The following DNER variants were observed in gnomAD, a reference collection of about 807,000 sequenced individuals.
The protein encoded by DNER is delta/notch like EGF repeat containing.
In DNER, 33 loss-of-function variants were observed where a neutral mutation model predicts 78.2. The observed-to-expected ratio is 0.42, with a 90% CI of 0.32 to 0.56. The LOEUF is 0.56. Ranked by LOEUF, DNER falls within the 20% of genes least tolerant of loss-of-function variation. The pLI is 0.11. For synonymous variants in DNER, 417 were observed against 384.8 expected, an observed-to-expected ratio of 1.08 and a Z score of -0.98; for missense variants, 918 against 975.3, an observed-to-expected ratio of 0.94 and a Z score of 0.78.
chr2:229,667,956 G>A (rs573296958), intron 1 of DNER, among the ~76,000 whole-genome samples: 11 of 152,262 alleles, frequency 7.2e-5, no homozygotes, highest in African/African-American at 1.7e-4. Context: ...TGGAGATTTC[G>A]GGGCAGTGAC....
intron 11 of DNER, among the ~76,000 whole-genome samples, chr2:229,376,252 G>A (rs1340814724): frequency 1.3e-5 from 2 of 152,050 alleles, no homozygotes; most frequent in African/African-American, 4.8e-5. Context: ...AAGTCATGAG[G>A]GCTCTGCCTT....
chr2:229,483,975 T>G (rs1695219443), intron 6 of DNER, among the ~76,000 whole-genome samples: 2 of 152,220 alleles, frequency 1.3e-5, no homozygotes, highest in African/African-American at 4.8e-5. Flanking sequence ...TGTATACTTC[T>G]CATTACCTAC....
chr2:229,636,476 G>C (rs1347009784), intron 1 of DNER, among the ~76,000 whole-genome samples: 1 of 152,224 alleles, frequency 6.6e-6, no homozygotes, highest in Non-Finnish European at 1.5e-5. Flanking sequence ...GAGTGCATGA[G>C]AGAGTCCCAA....
chr2:229,496,898 G>T (rs1362455270), intron 6 of DNER, among the ~76,000 whole-genome samples: 1 of 152,094 alleles, frequency 6.6e-6, no homozygotes. Flanking sequence ...AGACTATACA[G>T]ACAGAAAATC....
At chr2:229,656,713 T>C (rs1158415226) in intron 1 of DNER, among the ~76,000 whole-genome samples, 1 of 152,222 alleles carries the variant, frequency 6.6e-6, no homozygotes, top group Admixed American at 6.5e-5. Flanking sequence ...CACTTACTCA[T>C]TCATTCTCAC....
At chr2:229,615,576 G>A (rs922257585) in intron 1 of DNER, among the ~76,000 whole-genome samples, 2 of 152,124 alleles carry the variant, frequency 1.3e-5, no homozygotes, top group Admixed American at 6.5e-5. Context: ...GCCGGAAGTG[G>A]TGGTGGGCAC....
intron 1 of DNER, among the ~76,000 whole-genome samples, chr2:229,700,612 C>T (rs138271090): frequency 2.4e-4 from 36 of 152,108 alleles, no homozygotes; most frequent in Middle Eastern, 6.8e-3. Context: ...AATGGGTTTG[C>T]TTTCTGTTTT....
At chr2:229,418,369 T>C (rs1267219811) in intron 8 of DNER, 139 bp from the exon 9 acceptor site, 1 of 1,201,166 alleles carries the variant, frequency 8.3e-7, no homozygotes, top group Non-Finnish European at 1.1e-6. Context: ...GCTAGATCTC[T>C]TGGGGTAAAG....
At chr2:229,392,595 A>C (rs941535350) in intron 10 of DNER, among the ~76,000 whole-genome samples, 1 of 152,204 alleles carries the variant, frequency 6.6e-6, no homozygotes, top group African/African-American at 2.4e-5. Context: ...AAAATGACAG[A>C]TGAGCAGTTC....
chr2:229,621,772 G>T lies in DNER; in HGVS notation c.277-29884C>A, dbSNP rs973693980. On this transcript the variant is annotated intron_variant, in intron 1 of 12. Coordinates refer to ENST00000341772, the MANE Select transcript of DNER (RefSeq NM_139072.4). ...TTTGAGCTCAGAAGGCTCCCAAGGG[G>T]TCTCAGAATCTATTGAAATTGCATA... 2.0e-5 allele frequency among the ~76,000 whole-genome samples: 3 copies of T among 152,138 alleles called. No homozygotes were observed. In the South Asian group the frequency reaches 6.2e-4, roughly 32 times the overall value.
At chr2:229,687,410 T>C (rs761572044) in intron 1 of DNER, among the ~76,000 whole-genome samples, 4 of 151,792 alleles carry the variant, frequency 2.6e-5, no homozygotes, top group Non-Finnish European at 5.9e-5. Context: ...ACTACAGGCG[T>C]CTACCACCAC....
intron 4 of DNER, among the ~76,000 whole-genome samples, chr2:229,565,255 T>C (rs1326205006): frequency 6.6e-6 from 1 of 152,200 alleles, no homozygotes; most frequent in Non-Finnish European, 1.5e-5. Flanking sequence ...CAGAGAGTCC[T>C]CTAAGCCCTT....
At chr2:229,527,249 C>G (rs563254525) in intron 5 of DNER, among the ~76,000 whole-genome samples, 1 of 152,226 alleles carries the variant, frequency 6.6e-6, no homozygotes, top group South Asian at 2.1e-4. Flanking sequence ...CCACCAGCTT[C>G]CCCTGTTTCT....
At chr2:229,465,588 T>TA (rs902988159) in intron 7 of DNER, among the ~76,000 whole-genome samples, 5 of 150,890 alleles carry the variant, frequency 3.3e-5, no homozygotes, top group East Asian at 1.9e-4. Context: ...AAATAACATT[T>TA]AAAAAAAAAT....
At chr2:229,512,251 C>T (rs183094725) in intron 6 of DNER, among the ~76,000 whole-genome samples, 72 of 151,854 alleles carry the variant, frequency 4.7e-4, no homozygotes, top group African/African-American at 1.2e-3. Flanking sequence ...GGTGTGGGGG[C>T]GCATGCCTGT....
intron 1 of DNER, among the ~76,000 whole-genome samples, chr2:229,641,275 G>A (rs1377496160): frequency 1.3e-5 from 2 of 152,196 alleles, no homozygotes; most frequent in Non-Finnish European, 2.9e-5. Flanking sequence ...GCCACAGTGA[G>A]GCTGGAGAGT....
At chr2:229,551,639 A>C (rs957091960) in intron 4 of DNER, among the ~76,000 whole-genome samples, 1 of 151,086 alleles carries the variant, frequency 6.6e-6, no homozygotes, top group African/African-American at 2.4e-5. Flanking sequence ...CGTTTAAAAA[A>C]AAACATAAAT....
intron 5 of DNER, among the ~76,000 whole-genome samples, chr2:229,538,544 T>G (rs1033020577): frequency 3.7e-4 from 53 of 144,094 alleles, no homozygotes; most frequent in African/African-American, 1.0e-3. Flanking sequence ...TTGTTTTTTG[T>G]TTTTTTTTAA....
At chr2:229,431,353 C>G (rs182349930) in intron 8 of DNER, among the ~76,000 whole-genome samples, 1 of 152,158 alleles carries the variant, frequency 6.6e-6, no homozygotes, top group East Asian at 1.9e-4. Context: ...TGTCTAAAGG[C>G]CTTTGACTTT....
Sources: allele counts gnomAD v4.1 joint callset (sites outside exome capture counted in the v4.1 genomes callset), GRCh38; gene constraint gnomAD v4.1.1; transcripts MANE v1.5; gene names NCBI Gene and HGNC (gene_info 2026-07-23, HGNC 2026-07-21).